GAB2: variants seen among roughly 807,000 people sequenced by gnomAD.
The protein encoded by GAB2 is GRB2-associated-binding protein 2.
GAB2 carries 26 observed loss-of-function variants against 65.5 expected under a neutral mutation model. The ratio of observed to expected loss-of-function variants is 0.40; its 90% CI spans 0.29 to 0.55. GAB2 has a LOEUF of 0.55. Ranked by LOEUF, GAB2 falls within the 20% of genes least tolerant of loss-of-function variation. The pLI is 0.53. For missense variants in GAB2, 884 were observed against 875.8 expected (o/e 1.01, Z -0.12); for synonymous variants, 321 against 329.6 (o/e 0.97, Z 0.28).
chr11:78,407,017 G>A (rs1857054176), intron 1 of GAB2, among the ~76,000 whole-genome samples: 1 of 152,092 alleles, frequency 6.6e-6, no homozygotes, highest in Non-Finnish European at 1.5e-5. Context: ...TCAGTGAATG[G>A]GAAAACAGGA....
intron 2 of GAB2, among the ~76,000 whole-genome samples, chr11:78,272,485 T>A (rs549403534): frequency 9.7e-4 from 147 of 152,276 alleles, no homozygotes; most frequent in African/African-American, 3.4e-3. Context: ...CCCTAGAGAT[T>A]TGTGGAACTT....
intron 2 of GAB2, among the ~76,000 whole-genome samples, chr11:78,256,043 G>T (rs934828288): frequency 6.6e-6 from 1 of 152,072 alleles, no homozygotes; most frequent in African/African-American, 2.4e-5. Context: ...AGGATAACTT[G>T]CCCTGCAGTT....
At chr11:78,274,748 A>G (rs1866119646) in intron 2 of GAB2, among the ~76,000 whole-genome samples, 1 of 152,224 alleles carries the variant, frequency 6.6e-6, no homozygotes, top group African/African-American at 2.4e-5. Flanking sequence ...GTTAGTAAGC[A>G]GAGAGAACCT....
intron 1 of GAB2, among the ~76,000 whole-genome samples, chr11:78,337,026 C>A (rs1298382040): frequency 2.6e-5 from 4 of 152,222 alleles, no homozygotes; most frequent in Non-Finnish European, 4.4e-5. Context: ...CTACCTTTGA[C>A]TATGGACTTC....
Position 78,302,084 on chromosome 11 carries a change from ATTCTAT to A in GAB2, c.76-21189_76-21184del, listed in dbSNP as rs543637755. ...AAATCTAAGACCTGAAACTATAAAA[ATTCTAT>A]TAAGATAACAGAAGAAAAACCCTTC... On this transcript the variant is annotated intron_variant, in intron 1 of 9. Coordinates refer to ENST00000361507, the MANE Select transcript of GAB2 (RefSeq NM_080491.3). Among the ~76,000 whole-genome samples, 1,229 of 152,344 alleles carry A rather than the reference ATTCTAT, an allele frequency of 8.1e-3. 18 individuals carry two copies. Among genetic ancestry groups the A allele is most frequent in the African/African-American group, 0.027 (1,141 of 41,578 alleles).
chr11:78,296,237 C>T (rs957756390), intron 1 of GAB2, among the ~76,000 whole-genome samples: 9 of 152,298 alleles, frequency 5.9e-5, no homozygotes, highest in Admixed American at 1.3e-4. Context: ...TAAGGGTCCT[C>T]GGCCCAGGGG....
intron 1 of GAB2, among the ~76,000 whole-genome samples, chr11:78,285,340 C>G (rs1333619809): frequency 6.6e-6 from 1 of 152,190 alleles, no homozygotes; most frequent in Non-Finnish European, 1.5e-5. Flanking sequence ...GTTTTGCTTC[C>G]AAGTAAGTGG....
rs189665771 is a variant in GAB2, at chr11:78,256,279, C to T, written c.377-5879G>A. Among the ~76,000 whole-genome samples the T allele has an allele frequency of 7.3e-3, 1,115 of 152,166 alleles. 10 individuals carry two copies. The highest frequency in any genetic ancestry group is 0.012 in the Non-Finnish European group (808 of 67,986). ...ATCTTGATGAACCTTCAAAATATTA[C>T]GCTAAGTGAAAGAAGCCAATCATAA... On this transcript the variant is annotated intron_variant, in intron 2 of 9. Transcript: ENST00000361507.
intron 1 of GAB2, among the ~76,000 whole-genome samples, chr11:78,407,720 CAAAAAGAAAGAAAGAAAGAAAGAAAG>C (rs1857071511): frequency 2.5e-5 from 2 of 81,494 alleles, no homozygotes; most frequent in Non-Finnish European, 4.9e-5. Flanking sequence ...TTTTCCGTCC[CAAAAAGAAAGAAAGAAAGAAAGAAAG>C]AAAAAGAAAG....
At chr11:78,228,754 A>G (rs1864757937) in intron 3 of GAB2, among the ~76,000 whole-genome samples, 1 of 151,816 alleles carries the variant, frequency 6.6e-6, no homozygotes, top group African/African-American at 2.4e-5. Context: ...TTCCAGACAC[A>G]TAACCAAGCC....
At chr11:78,285,977 T>C (rs753795852) in intron 1 of GAB2, among the ~76,000 whole-genome samples, 29 of 152,214 alleles carry the variant, frequency 1.9e-4, no homozygotes, top group Non-Finnish European at 7.3e-5. Flanking sequence ...AACTAGGACA[T>C]GAACAAAATT....
intron 1 of GAB2, among the ~76,000 whole-genome samples, chr11:78,286,157 A>G (rs952802468): frequency 1.4e-4 from 22 of 152,168 alleles, no homozygotes; most frequent in African/African-American, 5.3e-4. Flanking sequence ...GTCTCACAGA[A>G]TTTACAGGAG....
At chr11:78,376,410 C>A (rs560295688) in intron 1 of GAB2, among the ~76,000 whole-genome samples, 109 of 152,304 alleles carry the variant, frequency 7.2e-4, no homozygotes, top group African/African-American at 2.4e-3. Flanking sequence ...TCACAACAAG[C>A]CCTATGAGAT....
chr11:78,346,715 A>T (rs1328325028), intron 1 of GAB2, among the ~76,000 whole-genome samples: 601 of 43,950 alleles, frequency 0.014, 28 homozygotes, highest in East Asian at 0.045. Flanking sequence ...ATATATATAT[A>T]TATATAATTT....
intron 1 of GAB2, among the ~76,000 whole-genome samples, chr11:78,382,173 T>C (rs149465602): frequency 1.3e-5 from 2 of 152,316 alleles, no homozygotes; most frequent in Non-Finnish European, 2.9e-5. Flanking sequence ...CCCTCCTCTG[T>C]GCTCTCATGG....
intron 2 of GAB2, among the ~76,000 whole-genome samples, chr11:78,279,936 C>T (rs932923690): frequency 1.3e-5 from 2 of 151,914 alleles, no homozygotes; most frequent in Non-Finnish European, 2.9e-5. Context: ...ATTCTACTGC[C>T]CCAGAAAAAA....
chr11:78,251,377 C>T (rs1865451550), intron 2 of GAB2, among the ~76,000 whole-genome samples: 1 of 152,194 alleles, frequency 6.6e-6, no homozygotes, highest in Non-Finnish European at 1.5e-5. Context: ...CATTTTCCCT[C>T]TTATCTCAAG....
At chr11:78,373,572 C>T (rs79011617) in intron 1 of GAB2, among the ~76,000 whole-genome samples, 1 of 151,868 alleles carries the variant, frequency 6.6e-6, no homozygotes, top group South Asian at 2.1e-4. Context: ...AAGGGACAAG[C>T]CACAAAACAA....
At chr11:78,256,264 A>C (rs1865593154) in intron 2 of GAB2, among the ~76,000 whole-genome samples, 2 of 152,258 alleles carry the variant, frequency 1.3e-5, no homozygotes, top group Admixed American at 1.3e-4. Flanking sequence ...ATCTTGATGA[A>C]CCTTCAAAAT....
Sources: gnomAD v4.1 joint callset for allele counts (sites outside exome capture counted in the v4.1 genomes callset) on GRCh38, gnomAD v4.1.1 for gene constraint, MANE v1.5 for transcripts, NCBI Gene and HGNC (gene_info 2026-07-23, HGNC 2026-07-21) for gene names.